Variants in ITGA1 observed in about 807,000 individuals in gnomAD.
The protein encoded by ITGA1 is integrin alpha-1.
Under a neutral mutation model 145.9 loss-of-function variants are expected in ITGA1, and 85 were observed. The observed-to-expected ratio is 0.58, with a 90% CI of 0.49 to 0.70. The LOEUF (loss-of-function observed/expected upper bound fraction) is 0.70, where lower values mean the gene tolerates loss of function less well. Ranked by LOEUF, ITGA1 falls within the 30% of genes least tolerant of loss-of-function variation. The pLI, the probability that ITGA1 is intolerant of heterozygous loss-of-function variation, is 0.00. For synonymous variants in ITGA1, 520 were observed against 495.3 expected (o/e 1.05, Z -0.66); for missense variants, 1,351 against 1,418.7 (o/e 0.95, Z 0.77).
At chr5:52,821,081 C>T (rs765418038) in intron 1 of ITGA1, among the ~76,000 whole-genome samples, 1 of 152,078 alleles carries the variant, frequency 6.6e-6, no homozygotes, top group Non-Finnish European at 1.5e-5. Flanking sequence ...TGTATTCTGA[C>T]AACAGCTAGC....
At chr5:52,874,951 A>G (rs1749842161) in intron 6 of ITGA1, among the ~76,000 whole-genome samples, 3 of 152,224 alleles carry the variant, frequency 2.0e-5, no homozygotes, top group Non-Finnish European at 4.4e-5. Flanking sequence ...TCACAAAAAA[A>G]TATTACTTTA....
chr5:52,851,826 A>G (rs1749436419), intron 2 of ITGA1, among the ~76,000 whole-genome samples: 1 of 152,312 alleles, frequency 6.6e-6, no homozygotes, highest in South Asian at 2.1e-4. Context: ...CATAGCATAA[A>G]TGTGGGTCAG....
intron 26 of ITGA1, among the ~76,000 whole-genome samples, chr5:52,942,632 G>A (rs538989038): frequency 1.3e-5 from 2 of 150,122 alleles, no homozygotes; most frequent in South Asian, 2.1e-4. Context: ...CCGGGTTCAC[G>A]CCATTCTCTT....
intron 6 of ITGA1, among the ~76,000 whole-genome samples, chr5:52,878,177 T>C (rs1404482957): frequency 6.6e-6 from 1 of 152,124 alleles, no homozygotes; most frequent in Admixed American, 6.5e-5. Flanking sequence ...TCCTGGTTTT[T>C]TCAGTCTTTG....
intron 1 of ITGA1, among the ~76,000 whole-genome samples, chr5:52,834,778 A>C (rs1052540400): frequency 6.6e-6 from 1 of 152,106 alleles, no homozygotes; most frequent in South Asian, 2.1e-4. Flanking sequence ...CAATGGTCCT[A>C]TCAGATTAGG....
chr5:52,936,593 A>C (rs1204378669), intron 23 of ITGA1, among the ~76,000 whole-genome samples: 2 of 152,176 alleles, frequency 1.3e-5, no homozygotes, highest in Non-Finnish European at 2.9e-5. Flanking sequence ...ATGCTTCAGC[A>C]GTAGGAAGGG....
At position 52,881,870 on chromosome 5, in the gene ITGA1, C is replaced by T; in HGVS notation, c.625-3C>T. On this transcript the variant is annotated splice_polypyrimidine_tract_variant and splice_region_variant and intron_variant, in intron 6 of 28. Coordinates refer to ENST00000282588, the MANE Select transcript of ITGA1 (RefSeq NM_181501.2). ...TATAACTCACAGTGGCTTGGTATTTCAGGTTGGAATTGTACAGTATGGAGA... is the reference window on the plus strand; with the variant it reads ...TATAACTCACAGTGGCTTGGTATTTTAGGTTGGAATTGTACAGTATGGAGA... 1 of 1,600,152 alleles carries T rather than the reference C, an allele frequency of 6.2e-7. No homozygotes were observed. Among genetic ancestry groups the T allele is most frequent in the Non-Finnish European group, 8.5e-7 (1 of 1,173,362 alleles).
intron 2 of ITGA1, among the ~76,000 whole-genome samples, chr5:52,854,534 T>C (rs1210393581): frequency 6.6e-6 from 1 of 152,176 alleles, no homozygotes; most frequent in Non-Finnish European, 1.5e-5. Context: ...TTATTCCATT[T>C]ATTTAAAAAG....
At chr5:52,896,759 A>G (rs1750233545) in intron 9 of ITGA1, among the ~76,000 whole-genome samples, 1 of 152,162 alleles carries the variant, frequency 6.6e-6, no homozygotes, top group South Asian at 2.1e-4. Context: ...CTGCCATGGA[A>G]TGCTCTGAAT....
chr5:52,800,587 C>T, intron 1 of ITGA1: 1 of 1,613,664 alleles, frequency 6.2e-7, no homozygotes, highest in African/African-American at 1.3e-5. Flanking sequence ...CCGCACTACC[C>T]TCACTCTCTG....
At chr5:52,871,671 C>G (rs1296730851) in intron 6 of ITGA1, among the ~76,000 whole-genome samples, 6 of 151,778 alleles carry the variant, frequency 4.0e-5, no homozygotes, top group Non-Finnish European at 8.8e-5. Flanking sequence ...TTAAGTTTTC[C>G]ATGTGACAAT....
At chr5:52,835,551 A>C (rs565847019) in intron 1 of ITGA1, among the ~76,000 whole-genome samples, 1 of 152,178 alleles carries the variant, frequency 6.6e-6, no homozygotes, top group Non-Finnish European at 1.5e-5. Context: ...TCTGAGCCAG[A>C]GTAGTAATGA....
intron 14 of ITGA1, 114 bp from the exon 15 acceptor site, chr5:52,915,350 T>C: frequency 8.7e-7 from 1 of 1,154,106 alleles, no homozygotes; most frequent in Non-Finnish European, 1.2e-6. Flanking sequence ...TTGGGCGGAT[T>C]CCCAAATTAA....
chr5:52,931,455 T>G (rs1186036460), intron 21 of ITGA1: 2 of 152,228 alleles, frequency 1.3e-5, no homozygotes, highest in Non-Finnish European at 2.9e-5. Context: ...TGTATGCACA[T>G]ATATACATGT....
intron 1 of ITGA1, chr5:52,802,082 T>C (rs1748500603): frequency 2.4e-6 from 1 of 423,822 alleles, no homozygotes; most frequent in African/African-American, 2.0e-5. Context: ...TTATAGGAAT[T>C]ATGAGTTATC....
At position 52,908,982 on chromosome 5, in the gene ITGA1, A is replaced by G. The variant is rs771880402; in HGVS notation, c.1540A>G (p.Met514Val). Residue 514 changes from methionine to valine, a missense_variant, in exon 13 of 29, where the codon ATG becomes GTG. Transcript: ENST00000282588. ...TGACATTCTTCTAGTCGGAGCCCCT[A>G]TGTACATGGGAACAGAGAAGGAGGA... ...NTDILLVGAP[M>V]YMGTEKEEQG... 15 of 1,613,660 alleles carry G rather than the reference A, an allele frequency of 9.3e-6. No homozygotes were observed. The highest frequency in any genetic ancestry group is 1.3e-5 in the African/African-American group (1 of 74,900).
intron 6 of ITGA1, among the ~76,000 whole-genome samples, chr5:52,871,036 A>G (rs1749768700): frequency 6.6e-6 from 1 of 152,182 alleles, no homozygotes; most frequent in South Asian, 2.1e-4. Flanking sequence ...CACAGTTAGC[A>G]CTCTAAGTGA....
chr5:52,938,070 A>C (rs1750998731), intron 24 of ITGA1, among the ~76,000 whole-genome samples: 1 of 152,094 alleles, frequency 6.6e-6, no homozygotes, highest in Non-Finnish European at 1.5e-5. Flanking sequence ...GTAAAGTCAT[A>C]TTTACTAGTT....
chr5:52,872,327 T>C (rs1457496103), intron 6 of ITGA1, among the ~76,000 whole-genome samples: 3 of 152,072 alleles, frequency 2.0e-5, no homozygotes, highest in Non-Finnish European at 4.4e-5. Context: ...GGGTAGGGAA[T>C]GGGGTGAATC....
Sources: allele counts gnomAD v4.1 joint callset (sites outside exome capture counted in the v4.1 genomes callset), GRCh38; gene constraint gnomAD v4.1.1; transcripts MANE v1.5; gene names NCBI Gene and HGNC (gene_info 2026-07-23, HGNC 2026-07-21).